CTNNA3: variants seen among roughly 807,000 people sequenced by gnomAD.
The protein encoded by CTNNA3 is catenin alpha 3, also known as catenin alpha-3.
CTNNA3 carries 76 observed loss-of-function variants against 95.7 expected under a neutral mutation model. That is an observed-to-expected ratio of 0.79 (90% CI 0.66 to 0.96). The LOEUF is 0.96. Ranked by LOEUF, CTNNA3 falls within the 40% of genes least tolerant of loss-of-function variation. The pLI, the probability that CTNNA3 is intolerant of heterozygous loss-of-function variation, is 0.00. For missense variants in CTNNA3, 1,191 were observed against 1,089.8 expected (o/e 1.09, Z -1.31); for synonymous variants, 431 against 374.4 (o/e 1.15, Z -1.74).
intron 5 of CTNNA3, among the ~76,000 whole-genome samples, chr10:67,510,158 G>T (rs945804237): frequency 6.6e-6 from 1 of 152,156 alleles, no homozygotes; most frequent in Admixed American, 6.6e-5. Flanking sequence ...TCTGATGGTA[G>T]TTTCTTTTGC....
Position 67,369,726 on chromosome 10 carries a change from C to T in CTNNA3, c.580-149856G>A, listed in dbSNP as rs533121136. On this transcript the variant is annotated intron_variant, in intron 5 of 17. Coordinates refer to ENST00000433211, the MANE Select transcript of CTNNA3 (RefSeq NM_013266.4). ...ATATGTACAGATAAAGATGCTTAAC[C>T]TTTCTAATAAAAAATGCAAATTAAA... Among the ~76,000 whole-genome samples, 166 of 152,096 alleles carry T rather than the reference C, an allele frequency of 1.1e-3. 1 individual carries two copies. Among genetic ancestry groups the T allele is most frequent in the African/African-American group, 3.9e-3 (160 of 41,486 alleles).
chr10:66,052,459 T>C (rs1326426916), intron 15 of CTNNA3, among the ~76,000 whole-genome samples: 3 of 152,142 alleles, frequency 2.0e-5, no homozygotes, highest in Non-Finnish European at 4.4e-5. Context: ...GTCAAAGACT[T>C]AGAGAAAGTA....
chr10:66,688,191 C>T (rs1489286365), intron 9 of CTNNA3, among the ~76,000 whole-genome samples: 1 of 152,060 alleles, frequency 6.6e-6, no homozygotes, highest in African/African-American at 2.4e-5. Flanking sequence ...CAAGTATTTC[C>T]GTGAAGAAAA....
chr10:67,345,738 T>C (rs1842389564), intron 5 of CTNNA3, among the ~76,000 whole-genome samples: 1 of 152,200 alleles, frequency 6.6e-6, no homozygotes, highest in Non-Finnish European at 1.5e-5. Context: ...AGTGTGTTTT[T>C]TGTAAGGCAC....
At chr10:66,510,633 TTCTG>T (rs1564500662) in intron 11 of CTNNA3, among the ~76,000 whole-genome samples, 1 of 151,930 alleles carries the variant, frequency 6.6e-6, no homozygotes, top group Non-Finnish European at 1.5e-5. Context: ...TAAAAGATTT[TTCTG>T]TCTATTGAGA....
At chr10:67,683,134 C>T (rs1356831566) in intron 1 of CTNNA3, among the ~76,000 whole-genome samples, 1 of 152,216 alleles carries the variant, frequency 6.6e-6, no homozygotes, top group Non-Finnish European at 1.5e-5. Context: ...CCTTTGTAAT[C>T]CCACATTGGG....
At chr10:66,860,524 T>C (rs1843872761) in intron 7 of CTNNA3, among the ~76,000 whole-genome samples, 1 of 152,162 alleles carries the variant, frequency 6.6e-6, no homozygotes, top group African/African-American at 2.4e-5. Context: ...GGTATTAAAA[T>C]GCTAGCAGCA....
intron 9 of CTNNA3, among the ~76,000 whole-genome samples, chr10:66,715,191 C>T (rs1325399320): frequency 6.6e-6 from 1 of 152,138 alleles, no homozygotes. Flanking sequence ...GGTCCACCTA[C>T]ATAATTTTCC....
intron 15 of CTNNA3, among the ~76,000 whole-genome samples, chr10:66,051,154 C>T (rs1038073164): frequency 6.6e-6 from 1 of 152,138 alleles, no homozygotes; most frequent in African/African-American, 2.4e-5. Flanking sequence ...AGAATAGAGG[C>T]CTGAGCCACT....
chr10:67,115,973 C>T (rs1859163476), intron 7 of CTNNA3, among the ~76,000 whole-genome samples: 1 of 151,984 alleles, frequency 6.6e-6, no homozygotes, highest in Non-Finnish European at 1.5e-5. Flanking sequence ...TCCTATGCTT[C>T]ATAGGTATTT....
chr10:67,601,063 C>A (rs1402117301), intron 3 of CTNNA3, among the ~76,000 whole-genome samples: 1 of 152,238 alleles, frequency 6.6e-6, no homozygotes, highest in East Asian at 1.9e-4. Flanking sequence ...TAATAATATT[C>A]TATTTCTTGA....
At chr10:67,223,405 A>C (rs1271738444) in intron 5 of CTNNA3, among the ~76,000 whole-genome samples, 1 of 152,234 alleles carries the variant, frequency 6.6e-6, no homozygotes, top group Non-Finnish European at 1.5e-5. Context: ...TAAACAGTAA[A>C]GTTAATCAGG....
At chr10:66,198,952 G>C (rs943825678) in intron 13 of CTNNA3, among the ~76,000 whole-genome samples, 6 of 152,184 alleles carry the variant, frequency 3.9e-5, no homozygotes, top group Admixed American at 3.9e-4. Context: ...TAAGATGATA[G>C]AGTAGTTTTT....
chr10:66,477,767 T>G (rs781474792), intron 11 of CTNNA3, among the ~76,000 whole-genome samples: 1 of 152,042 alleles, frequency 6.6e-6, no homozygotes, highest in Non-Finnish European at 1.5e-5. Flanking sequence ...AATACTCACA[T>G]AAAATATTTG....
At chr10:67,420,187 C>A (rs1425672042) in intron 5 of CTNNA3, among the ~76,000 whole-genome samples, 3 of 152,096 alleles carry the variant, frequency 2.0e-5, no homozygotes, top group African/African-American at 7.2e-5. Context: ...ATGAAAAAAA[C>A]ATTTAAATCT....
chr10:66,394,764 T>C (rs1307386115), intron 11 of CTNNA3, among the ~76,000 whole-genome samples: 1 of 151,998 alleles, frequency 6.6e-6, no homozygotes, highest in African/African-American at 2.4e-5. Flanking sequence ...GTATTATTCC[T>C]TTCTCATAGT....
chr10:66,068,071 T>G (rs1019548267), intron 15 of CTNNA3, among the ~76,000 whole-genome samples: 3 of 152,214 alleles, frequency 2.0e-5, no homozygotes, highest in Non-Finnish European at 4.4e-5. Flanking sequence ...CTTATGTCAT[T>G]AGATTTTCAA....
intron 10 of CTNNA3, among the ~76,000 whole-genome samples, chr10:66,583,020 C>T (rs1044040805): frequency 6.6e-5 from 10 of 151,670 alleles, no homozygotes; most frequent in East Asian, 1.9e-4. Context: ...TTTTTTGATG[C>T]GCTGTTGGAT....
At chr10:66,889,305 T>C (rs1364796992) in intron 7 of CTNNA3, among the ~76,000 whole-genome samples, 1 of 152,182 alleles carries the variant, frequency 6.6e-6, no homozygotes, top group East Asian at 1.9e-4. Context: ...GGTAGATACA[T>C]GTCATTGTAA....
Sources: gnomAD v4.1 joint callset for allele counts (sites outside exome capture counted in the v4.1 genomes callset) on GRCh38, gnomAD v4.1.1 for gene constraint, MANE v1.5 for transcripts, NCBI Gene and HGNC (gene_info 2026-07-23, HGNC 2026-07-21) for gene names.